NIBAN2: variants seen among roughly 807,000 people sequenced by gnomAD.
NIBAN2 encodes the protein niban apoptosis regulator 2, also known as protein Niban 2.
Under a neutral mutation model 81.8 loss-of-function variants are expected in NIBAN2, and 36 were observed. The observed-to-expected ratio is 0.44, with a 90% CI of 0.34 to 0.58. The LOEUF is 0.58. NIBAN2 is among the 20% of genes least tolerant of loss of function. The pLI is 0.02. For missense variants in NIBAN2, 897 were observed against 1,014.1 expected (o/e 0.88, Z 1.57); for synonymous variants, 445 against 441.6 (o/e 1.01, Z -0.10).
chr9:127,508,370 C>G lies in NIBAN2; in HGVS notation c.1434+52G>C. The G allele has an allele frequency of 6.7e-7, 1 of 1,486,858 alleles. No individual in the cohort carries two copies. Among genetic ancestry groups the G allele is most frequent in the Non-Finnish European group, 9.3e-7 (1 of 1,076,322 alleles). The allele number at this position is 1,486,858 out of a possible 1,614,324, so 92.1% of individuals were successfully genotyped here. ...CCTGGTGGTGGCCGGGGATGAGGCT[C>G]GGGGCTCGGCCTCGCCTAGGACGGT... On this transcript the variant is annotated intron_variant, in intron 11 of 13. Coordinates refer to ENST00000373312, the MANE Select transcript of NIBAN2 (RefSeq NM_022833.4). This position sits in a 1 kb window ranked among gnomAD's most constrained non-coding sequence, Gnocchi z 6.4.
chr9:127,510,174 T>C lies in NIBAN2; in HGVS notation c.1133A>G (p.Asn378Ser). The C allele has an allele frequency of 6.2e-7, 1 of 1,613,460 alleles. No individual in the cohort carries two copies. The highest frequency in any genetic ancestry group is 8.5e-7 in the Non-Finnish European group (1 of 1,179,558). Residue 378 changes from asparagine (N) to serine (S), a missense_variant, in exon 9 of 14, where the codon AAC becomes AGC. Around this residue, in one of 3 missense-constraint regions of NIBAN2, gnomAD observed 619 missense variants for 691.0 expected, o/e 0.90. Transcript: ENST00000373312. ...GCCCAGCTTGTCAATGCCGCCCTCG[T>C]TGATGACGTTCAGGTTCATGTCCGT... Reference protein sequence around the residue: ...EVTDMNLNVINEGGIDKLGEY... With the variant: ...EVTDMNLNVISEGGIDKLGEY...
At chr9:127,558,335 G>T (rs1014089466) in intron 1 of NIBAN2, among the ~76,000 whole-genome samples, 3 of 151,996 alleles carry the variant, frequency 2.0e-5, no homozygotes, top group South Asian at 2.1e-4. Context: ...GCACGGGTGC[G>T]GGGGGTGGGA....
At chr9:127,542,657 C>A (rs1021391946) in intron 1 of NIBAN2, among the ~76,000 whole-genome samples, 4 of 152,148 alleles carry the variant, frequency 2.6e-5, no homozygotes, top group Admixed American at 2.6e-4. Flanking sequence ...ACCGACATTT[C>A]CCCCCCTGCT....
In NIBAN2 at chr9:127,551,871, C is replaced by G. The variant is rs74822254; in HGVS notation, c.55+16949G>C. 8.0e-3 allele frequency among the ~76,000 whole-genome samples: 1,225 copies of G among 152,332 alleles called. 18 individuals carry two copies. The highest frequency in any genetic ancestry group is 0.066 in the East Asian group (340 of 5,184). On this transcript the variant is annotated intron_variant, in intron 1 of 13. Transcript: ENST00000373312. ...TCTGTCTACTCTGGGCCTCTGCAGA[C>G]CTGCCCTCTGCCTGAAACTCTCTCC...
chr9:127,511,488 G>A (rs991539491), intron 8 of NIBAN2, among the ~76,000 whole-genome samples: 5 of 150,482 alleles, frequency 3.3e-5, no homozygotes, highest in Non-Finnish European at 7.4e-5. Flanking sequence ...ATGAGCCACC[G>A]TACCTGGCCA....
intron 8 of NIBAN2, among the ~76,000 whole-genome samples, chr9:127,515,712 C>G (rs988195852): frequency 6.6e-6 from 1 of 151,502 alleles, no homozygotes; most frequent in Non-Finnish European, 1.5e-5. Context: ...TAGCAGGTGC[C>G]TGTAATCCCA....
chr9:127,550,199 G>A (rs955227567), intron 1 of NIBAN2, among the ~76,000 whole-genome samples: 2 of 152,066 alleles, frequency 1.3e-5, no homozygotes, highest in African/African-American at 2.4e-5. Flanking sequence ...TCTCCTCCCC[G>A]TACCGTGAAG....
At chr9:127,525,779 G>T (rs2132178798) in intron 3 of NIBAN2, among the ~76,000 whole-genome samples, 1 of 152,330 alleles carries the variant, frequency 6.6e-6, no homozygotes, top group South Asian at 2.1e-4. Flanking sequence ...ACACAGTTGG[G>T]AAGTAGCAGA....
chr9:127,515,301 A>G (rs1215614040), intron 8 of NIBAN2, among the ~76,000 whole-genome samples: 2 of 152,074 alleles, frequency 1.3e-5, no homozygotes, highest in Non-Finnish European at 2.9e-5. Context: ...TGGGCGGATC[A>G]TGAGGTCAGG....
At position 127,517,895 on chromosome 9, in the gene NIBAN2, G is replaced by T; in HGVS notation, c.636C>A (p.Ala212=). 6.2e-7 allele frequency: 1 copy of T among 1,613,360 alleles called. No homozygotes were observed. The change falls in exon 6 of 14, where the codon GCC becomes GCA. Residue 212 remains alanine, a synonymous_variant. Coordinates refer to ENST00000373312, the MANE Select transcript of NIBAN2 (RefSeq NM_022833.4). The surrounding 1 kb of genome is among the most constrained non-coding windows in gnomAD (Gnocchi z 4.0). The part of the protein sequence containing the change: ...SKVEGPAFTD[A]IRMYRQSKEL... ...CCTTGGACTGTCGGTACATGCGGATGGCATCTGTGAACGCAGGGCCCTCTA... is the reference window on the plus strand; with the variant it reads ...CCTTGGACTGTCGGTACATGCGGATTGCATCTGTGAACGCAGGGCCCTCTA...
intron 1 of NIBAN2, among the ~76,000 whole-genome samples, chr9:127,575,676 C>T (rs1366855690): frequency 6.6e-6 from 1 of 151,930 alleles, no homozygotes. Context: ...ATTACAGGCA[C>T]CCGCCACTAT....
At chr9:127,511,936 G>A (rs559516914) in intron 8 of NIBAN2, among the ~76,000 whole-genome samples, 7 of 152,228 alleles carry the variant, frequency 4.6e-5, no homozygotes, top group Admixed American at 2.6e-4. Context: ...CCAAAAAAAA[G>A]AAAATAACAA....
Position 127,509,001 on chromosome 9 carries a change from T to C in NIBAN2, c.1292A>G (p.Gln431Arg). Residue 431 changes from glutamine (Q) to arginine (R), a missense_variant, in exon 10 of 14, where the codon CAG (glutamine) becomes CGG (arginine). Gln to Arg is a conservative substitution (Grantham distance 43). This residue lies in a region of NIBAN2 where 619 missense variants were observed against 691.0 expected (regional missense o/e 0.90). Coordinates refer to ENST00000373312, the MANE Select transcript of NIBAN2 (RefSeq NM_022833.4). The part of the protein sequence containing the change: ...FDVSSTSVFK[Q>R]RAQIHMREQM... ...CTCCCGCATGTGGATCTGGGCTCGC[T>C]GCTTGAACACGGACGTGCTGGACAC... The C allele has an allele frequency of 6.2e-7, 1 of 1,613,934 alleles. No homozygotes were observed. The highest frequency in any genetic ancestry group is 8.5e-7 in the Non-Finnish European group (1 of 1,180,000).
intron 1 of NIBAN2, among the ~76,000 whole-genome samples, chr9:127,546,856 G>A (rs1293578897): frequency 6.6e-6 from 1 of 151,912 alleles, no homozygotes; most frequent in African/African-American, 2.4e-5. Context: ...AGCCCCAACT[G>A]GGAGAAGCAC....
At chr9:127,556,695 G>C (rs1837677388) in intron 1 of NIBAN2, among the ~76,000 whole-genome samples, 1 of 152,210 alleles carries the variant, frequency 6.6e-6, no homozygotes, top group Non-Finnish European at 1.5e-5. Flanking sequence ...GGTGGAGCAA[G>C]TCTGAGCTGT....
chr9:127,556,747 C>T (rs80324847), intron 1 of NIBAN2, among the ~76,000 whole-genome samples: 2 of 152,252 alleles, frequency 1.3e-5, no homozygotes, highest in African/African-American at 4.8e-5. Context: ...GGTGAGTTAG[C>T]CCGCAGGTAC....
chr9:127,550,390 C>T lies in NIBAN2; in HGVS notation c.55+18430G>A, dbSNP rs538513245. On this transcript the variant is annotated intron_variant, in intron 1 of 13. Transcript: ENST00000373312. ...TGAAAAGCACTGTCCCTGACTGTTG[C>T]CAGCTCGCTCACACAGGTCAGACCC... Among the ~76,000 whole-genome samples, 12 of 152,364 alleles carry T rather than the reference C, an allele frequency of 7.9e-5. No individual in the cohort carries two copies. The South Asian group carries it at 2.5e-3, about 32-fold the overall frequency.
At chr9:127,565,946 T>TCTCACA (rs751937125) in intron 1 of NIBAN2, among the ~76,000 whole-genome samples, 2,827 of 130,528 alleles carry the variant, frequency 0.022, 111 homozygotes, top group African/African-American at 0.074. Context: ...TCTCTCTCTC[T>TCTCACA]CACACACACA....
Position 127,508,619 on chromosome 9 carries a change from T to C in NIBAN2, c.1318-81A>G. 2.5e-6 allele frequency: 3 copies of C among 1,184,362 alleles called. No homozygotes were observed. In the South Asian group the frequency reaches 3.7e-5, roughly 14 times the overall value. 73.4% of individuals were successfully genotyped at this position (1,184,362 alleles called of 1,614,324 possible). A position where few individuals can be genotyped will look rare whatever the true frequency, so the allele number is the denominator to read the frequency against. On this transcript the variant is annotated intron_variant, in intron 10 of 13. Coordinates refer to ENST00000373312, the MANE Select transcript of NIBAN2 (RefSeq NM_022833.4). This position sits in a 1 kb window ranked among gnomAD's most constrained non-coding sequence, Gnocchi z 6.4. ...GGGTGCCGCTGAGGGGTCCTCATCC[T>C]CAACCAGCCCCCCACCCCGAGGCCT...
Sources: gnomAD v4.1 joint callset for allele counts (sites outside exome capture counted in the v4.1 genomes callset) on GRCh38, gnomAD v4.1.1 for gene constraint, gnomAD v4.1.1 regional missense constraint, Gnocchi (gnomAD v3.1) non-coding constraint, MANE v1.5 for transcripts, NCBI Gene and HGNC (gene_info 2026-07-23, HGNC 2026-07-21) for gene names.